SNX29: variants seen among roughly 807,000 people sequenced by gnomAD.
SNX29 encodes sorting nexin 29.
Under a neutral mutation model 102.1 loss-of-function variants are expected in SNX29, and 78 were observed. That is an observed-to-expected ratio of 0.76 (90% CI 0.64 to 0.92). The LOEUF is 0.92. Among genes scored for constraint, SNX29 ranks in the 40% least tolerant of loss-of-function variants. The pLI, the probability that SNX29 is intolerant of heterozygous loss-of-function variation, is 0.00. For missense variants in SNX29, 1,280 were observed against 1,061.7 expected (o/e 1.21, Z -2.86); for synonymous variants, 580 against 414.5 (o/e 1.40, Z -4.85).
chr16:12,171,362 A>G (rs1012869749), intron 13 of SNX29, among the ~76,000 whole-genome samples: 1 of 152,136 alleles, frequency 6.6e-6, no homozygotes, highest in Non-Finnish European at 1.5e-5. Flanking sequence ...ACGCACAGTT[A>G]GTCCCATCTT....
chr16:12,558,447 T>G (rs1218212255), intron 20 of SNX29, among the ~76,000 whole-genome samples: 1 of 152,182 alleles, frequency 6.6e-6, no homozygotes, highest in East Asian at 1.9e-4. Context: ...TTGGTAGACT[T>G]CTGTATGAAC....
At chr16:12,559,897 T>G (rs1031146925) in intron 20 of SNX29, among the ~76,000 whole-genome samples, 1 of 152,154 alleles carries the variant, frequency 6.6e-6, no homozygotes. Context: ...GAGAATGGCA[T>G]GAATGCAGGA....
At chr16:12,540,948 C>T (rs1011664497) in intron 20 of SNX29, among the ~76,000 whole-genome samples, 1 of 152,016 alleles carries the variant, frequency 6.6e-6, no homozygotes, top group Admixed American at 6.6e-5. Flanking sequence ...TGGGGTCAGG[C>T]TGCCTGTAGT....
chr16:12,290,279 G>T (rs1340653990), intron 15 of SNX29, among the ~76,000 whole-genome samples: 1 of 152,134 alleles, frequency 6.6e-6, no homozygotes, highest in Non-Finnish European at 1.5e-5. Context: ...AAATGCACGT[G>T]TTCTCACTGC....
chr16:12,115,143 C>G (rs1304095475), intron 11 of SNX29, among the ~76,000 whole-genome samples: 2 of 152,134 alleles, frequency 1.3e-5, no homozygotes, highest in African/African-American at 4.8e-5. Context: ...AAAATTGCCC[C>G]TGGCAGAAGC....
At chr16:12,205,175 C>CT (rs1441369876) in intron 14 of SNX29, among the ~76,000 whole-genome samples, 7 of 152,270 alleles carry the variant, frequency 4.6e-5, no homozygotes, top group Non-Finnish European at 8.8e-5. Flanking sequence ...ACTTTTTATT[C>CT]TTTTTTTCTG....
intron 14 of SNX29, among the ~76,000 whole-genome samples, chr16:12,203,666 T>C (rs927400345): frequency 6.6e-6 from 1 of 152,238 alleles, no homozygotes; most frequent in African/African-American, 2.4e-5. Context: ...CTCTGATGTT[T>C]CCACAACAGG....
At chr16:12,525,689 GCCCCCCCCACCC>G in intron 20 of SNX29, among the ~76,000 whole-genome samples, 1 of 94,886 alleles carries the variant, frequency 1.1e-5, no homozygotes, top group East Asian at 3.3e-4. Flanking sequence ...AAGACTCCAC[GCCCCCCCCACCC>G]CCCCCCCCAA....
chr16:12,568,727 C>A lies in SNX29; in HGVS notation c.*98C>A. 1 of 1,505,190 alleles carries A rather than the reference C, an allele frequency of 6.6e-7. No individual in the cohort carries two copies. Among genetic ancestry groups the A allele is most frequent in the Middle Eastern group, 1.8e-4 (1 of 5,542 alleles). 93.2% of individuals were successfully genotyped at this position (1,505,190 alleles called of 1,614,324 possible). On this transcript the variant is annotated 3_prime_UTR_variant, in exon 21 of 21. Coordinates refer to ENST00000566228, the MANE Select transcript of SNX29 (RefSeq NM_032167.5). ...CCTCACCTCAGCGTGACAACCACGT[C>A]CACCTGGTGATCCTGAGAGCACACG...
intron 20 of SNX29, among the ~76,000 whole-genome samples, chr16:12,541,384 G>T (rs1178687791): frequency 6.6e-6 from 1 of 152,150 alleles, no homozygotes; most frequent in Non-Finnish European, 1.5e-5. Flanking sequence ...CAGTTACCAT[G>T]TGCAGGCTCA....
rs1446537759 is a variant in SNX29 at position 12,387,429 on chromosome 16, G to A, written c.1900-11017G>A. 2.6e-5 allele frequency among the ~76,000 whole-genome samples: 4 copies of A among 152,124 alleles called. No homozygotes were observed. In the East Asian group the frequency reaches 7.7e-4, roughly 29 times the overall value. The stretch of plus-strand genomic sequence containing the variant: ...GTTGGCGTCTCAGAAGTGGAGAACA[G>A]GTTCCCATCCAAGCTGAGCTGAGGG... On this transcript the variant is annotated intron_variant, in intron 16 of 20. Transcript: ENST00000566228.
chr16:12,573,094 A>C lies in SNX29; in HGVS notation c.*4465A>C, dbSNP rs868277914. The C allele has an allele frequency of 4.3e-6, 1 of 230,242 alleles. No individual in the cohort carries two copies. The highest frequency in any genetic ancestry group is 1.8e-4 in the South Asian group (1 of 5,516). 14.3% of individuals were successfully genotyped at this position (230,242 alleles called of 1,614,324 possible). A position where few individuals can be genotyped will look rare whatever the true frequency, so the allele number is the denominator to read the frequency against. On this transcript the variant is annotated 3_prime_UTR_variant, in exon 21 of 21. Coordinates refer to ENST00000566228, the MANE Select transcript of SNX29 (RefSeq NM_032167.5). ...TCTCATTTCTGTGCCAAGAAAGTTC[A>C]TCTTTATGTTTTTCTAATACACAAT...
At chr16:12,205,260 A>G (rs1047027294) in intron 14 of SNX29, among the ~76,000 whole-genome samples, 1 of 152,208 alleles carries the variant, frequency 6.6e-6, no homozygotes, top group Non-Finnish European at 1.5e-5. Flanking sequence ...CACTGTGCAC[A>G]GAGGCAAAGA....
At chr16:12,030,928 G>T (rs1339638008) in intron 4 of SNX29, among the ~76,000 whole-genome samples, 1 of 152,092 alleles carries the variant, frequency 6.6e-6, no homozygotes, top group East Asian at 1.9e-4. Context: ...CTCCCCTCCT[G>T]CCACGCCCCT....
At chr16:12,320,741 A>G (rs1365589000) in intron 15 of SNX29, among the ~76,000 whole-genome samples, 1 of 152,166 alleles carries the variant, frequency 6.6e-6, no homozygotes, top group Non-Finnish European at 1.5e-5. Context: ...GAACAACATC[A>G]CCATGCATTG....
At chr16:12,011,882 G>A (rs1388084671) in intron 3 of SNX29, among the ~76,000 whole-genome samples, 2 of 152,110 alleles carry the variant, frequency 1.3e-5, no homozygotes, top group Non-Finnish European at 2.9e-5. Context: ...CACTTGCTAG[G>A]GTTATAGTCA....
At chr16:12,520,978 C>T (rs1291869859) in intron 19 of SNX29, among the ~76,000 whole-genome samples, 2 of 152,102 alleles carry the variant, frequency 1.3e-5, no homozygotes, top group East Asian at 1.9e-4. Context: ...GTGGGCGGAT[C>T]ACTTGAAGTC....
chr16:12,376,736 CAA>C (rs71408262), intron 16 of SNX29, among the ~76,000 whole-genome samples: 2 of 77,936 alleles, frequency 2.6e-5, no homozygotes, highest in Non-Finnish European at 4.6e-5. Context: ...GACTCTGTCT[CAA>C]AAAAAAAAAA....
At chr16:12,261,718 C>A (rs2078772753) in intron 14 of SNX29, among the ~76,000 whole-genome samples, 3 of 129,078 alleles carry the variant, frequency 2.3e-5, no homozygotes, top group Non-Finnish European at 4.8e-5. Flanking sequence ...GTGCGTGCGT[C>A]CCCGGCTGGA....
Sources: gnomAD v4.1 joint callset for allele counts (sites outside exome capture counted in the v4.1 genomes callset) on GRCh38, gnomAD v4.1.1 for gene constraint, MANE v1.5 for transcripts, NCBI Gene and HGNC (gene_info 2026-07-23, HGNC 2026-07-21) for gene names.